The following CFAP20DC variants were observed in gnomAD, a reference collection of about 807,000 sequenced individuals.
CFAP20DC encodes the protein protein CFAP20DC.
CFAP20DC carries 84 observed loss-of-function variants against 101.7 expected under a neutral mutation model. The observed-to-expected ratio is 0.83, with a 90% CI of 0.69 to 0.99. The LOEUF (loss-of-function observed/expected upper bound fraction) is 0.99, where lower values mean the gene tolerates loss of function less well. Among genes scored for constraint, CFAP20DC ranks in the 50% least tolerant of loss-of-function variants. The pLI, the probability that CFAP20DC is intolerant of heterozygous loss-of-function variation, is 0.00. For missense variants in CFAP20DC, 1,007 were observed against 970.3 expected, an observed-to-expected ratio of 1.04 and a Z score of -0.50; for synonymous variants, 359 against 351.2, an observed-to-expected ratio of 1.02 and a Z score of -0.25.
chr3:58,787,989 G>T (rs927011670), intron 15 of CFAP20DC, among the ~76,000 whole-genome samples: 6 of 151,840 alleles, frequency 4.0e-5, no homozygotes, highest in African/African-American at 1.5e-4. Flanking sequence ...GCCTGTTGGG[G>T]GGTGGGGTGC....
chr3:58,875,448 C>T lies in CFAP20DC; in HGVS notation c.716-5139G>A, dbSNP rs1171011485. On this transcript the variant is annotated intron_variant, in intron 7 of 16. Transcript: ENST00000482387. ...TGATTTTTTCAGAGAAAAATGGGTG[C>T]GGAGAGTAATGAAGGGCTCTGTGGG... is the stretch of plus-strand genomic sequence containing the variant. Among the ~76,000 whole-genome samples the T allele has an allele frequency of 7.9e-5, 12 of 151,938 alleles. No individual in the cohort carries two copies. In the East Asian group the frequency reaches 1.5e-3, roughly 20 times the overall value.
chr3:58,879,113 T>C (rs553931697), intron 7 of CFAP20DC, among the ~76,000 whole-genome samples: 2 of 152,294 alleles, frequency 1.3e-5, no homozygotes, highest in East Asian at 1.9e-4. Flanking sequence ...AGTTCCCTCA[T>C]CTACAAAATA....
intron 15 of CFAP20DC, among the ~76,000 whole-genome samples, chr3:58,791,483 T>C (rs9865466): frequency 0.064 from 9,713 of 152,220 alleles, 590 homozygotes; most frequent in East Asian, 0.35. Flanking sequence ...TACCACCTCA[T>C]GAAACCCCTT....
chr3:58,965,083 A>G (rs1166972098), intron 4 of CFAP20DC, among the ~76,000 whole-genome samples: 1 of 152,048 alleles, frequency 6.6e-6, no homozygotes, highest in East Asian at 1.9e-4. Flanking sequence ...CTACCATTTC[A>G]TTTAAAAGGG....
At chr3:58,886,726 GA>G (rs1381920994) in intron 6 of CFAP20DC, among the ~76,000 whole-genome samples, 1 of 150,884 alleles carries the variant, frequency 6.6e-6, no homozygotes, top group African/African-American at 2.4e-5. Context: ...AAAAGAAAAA[GA>G]AAAAGAAAAA....
At chr3:58,872,467 A>G (rs887296936) in intron 7 of CFAP20DC, among the ~76,000 whole-genome samples, 1 of 152,128 alleles carries the variant, frequency 6.6e-6, no homozygotes, top group Non-Finnish European at 1.5e-5. Flanking sequence ...TAGTGTGTGT[A>G]TGTATGGGTG....
At chr3:58,980,933 AC>A (rs1461433957) in intron 4 of CFAP20DC, among the ~76,000 whole-genome samples, 2 of 152,236 alleles carry the variant, frequency 1.3e-5, no homozygotes. Flanking sequence ...TTTGCAGATG[AC>A]ATGATTGTAT....
intron 5 of CFAP20DC, among the ~76,000 whole-genome samples, chr3:58,930,252 A>G (rs2086457059): frequency 6.6e-6 from 1 of 152,150 alleles, no homozygotes; most frequent in African/African-American, 2.4e-5. Context: ...CTGCCCCCAC[A>G]GTCCTCACTA....
intron 12 of CFAP20DC, among the ~76,000 whole-genome samples, chr3:58,850,140 C>T (rs2078091220): frequency 6.6e-6 from 1 of 152,042 alleles, no homozygotes; most frequent in Non-Finnish European, 1.5e-5. Context: ...GAATTACAAA[C>T]ATGAAATCAA....
At chr3:58,883,144 T>C (rs1196752347) in intron 7 of CFAP20DC, among the ~76,000 whole-genome samples, 2 of 152,210 alleles carry the variant, frequency 1.3e-5, no homozygotes, top group African/African-American at 4.8e-5. Context: ...CCTTCAAACT[T>C]TGACCACTCT....
intron 10 of CFAP20DC, 101 bp from the exon 11 acceptor site, chr3:58,866,789 A>AT: frequency 1.4e-6 from 1 of 727,296 alleles, no homozygotes. Flanking sequence ...CTATTTGATC[A>AT]TTTAAAAGCA....
intron 14 of CFAP20DC, among the ~76,000 whole-genome samples, chr3:58,818,624 C>G (rs1489116516): frequency 6.9e-6 from 1 of 144,388 alleles, no homozygotes; most frequent in African/African-American, 2.6e-5. Flanking sequence ...AATACAGGAG[C>G]ACCCAGATTC....
chr3:59,001,621 G>A lies in CFAP20DC; in HGVS notation c.278+37936C>T, dbSNP rs1029722193. On this transcript the variant is annotated intron_variant, in intron 4 of 16. Coordinates refer to ENST00000482387, the MANE Select transcript of CFAP20DC (RefSeq NM_001394063.1). This position sits in a 1 kb window ranked among gnomAD's most constrained non-coding sequence, Gnocchi z 4.5. Reference sequence around the variant, plus strand: ...AGATGGGGTTTCTCCATGTTGGTCAGGTTGGTCTCGAACTCCCGACCTCAG... The same window carrying A: ...AGATGGGGTTTCTCCATGTTGGTCAAGTTGGTCTCGAACTCCCGACCTCAG... Among the ~76,000 whole-genome samples, 1 of 152,174 alleles carries A rather than the reference G, an allele frequency of 6.6e-6. No individual in the cohort carries two copies. Among genetic ancestry groups the A allele is most frequent in the African/African-American group, 2.4e-5 (1 of 41,436 alleles).
chr3:58,780,398 C>T lies in CFAP20DC; in HGVS notation c.2237+25997G>A, dbSNP rs79586739. ...AAGGAACAAAGGATATGTAAAACAA[C>T]GGAAAATCAAGTAATGAAATAACAG... On this transcript the variant is annotated intron_variant, in intron 15 of 16. Coordinates refer to ENST00000482387, the MANE Select transcript of CFAP20DC (RefSeq NM_001394063.1). 1.0e-2 allele frequency among the ~76,000 whole-genome samples: 1,514 copies of T among 151,974 alleles called. 24 individuals are homozygous for T. Among genetic ancestry groups the T allele is most frequent in the African/African-American group, 0.035 (1,460 of 41,508 alleles).
rs1186604892 is a variant in CFAP20DC at position 58,863,657 on chromosome 3, C to T, written c.1494G>A (p.Glu498=). The T allele has an allele frequency of 2.5e-6, 4 of 1,614,130 alleles. No homozygotes were observed. The highest frequency in any genetic ancestry group is 1.6e-4 in the Middle Eastern group (1 of 6,062). ...PHGKTQTMSP[E]ELSFILDLKE... ...TTAGATCCAAAATAAATGAGAGCTC[C>T]TCTGGGGACATAGTCTGAGTCTTTC... is the stretch of plus-strand genomic sequence containing the variant. The change falls in exon 12 of 17, where the codon GAG becomes GAA. Residue 498 remains glutamate (E), a synonymous_variant. Transcript: ENST00000482387. This position sits in a 1 kb window ranked among gnomAD's most constrained non-coding sequence, Gnocchi z 5.9.
intron 4 of CFAP20DC, among the ~76,000 whole-genome samples, chr3:58,941,903 A>G (rs2088656158): frequency 6.6e-6 from 1 of 152,172 alleles, no homozygotes; most frequent in South Asian, 2.1e-4. Flanking sequence ...GGCCTTCAGC[A>G]CATCTTAAAT....
chr3:58,782,301 A>G (rs2071904182), intron 15 of CFAP20DC, among the ~76,000 whole-genome samples: 1 of 152,008 alleles, frequency 6.6e-6, no homozygotes, highest in Admixed American at 6.6e-5. Flanking sequence ...TAAAGGCCAT[A>G]TATGACACAC....
At chr3:58,821,991 T>C (rs1221633808) in intron 14 of CFAP20DC, among the ~76,000 whole-genome samples, 1 of 143,582 alleles carries the variant, frequency 7.0e-6, no homozygotes, top group Non-Finnish European at 1.5e-5. Context: ...TCATGTCCTT[T>C]GTAGGGACAT....
At chr3:58,903,038 A>G (rs1467304727) in intron 6 of CFAP20DC, among the ~76,000 whole-genome samples, 1 of 152,170 alleles carries the variant, frequency 6.6e-6, no homozygotes, top group Non-Finnish European at 1.5e-5. Flanking sequence ...ATATTCATAT[A>G]TAAACCAGGA....
Sources: allele counts gnomAD v4.1 joint callset (sites outside exome capture counted in the v4.1 genomes callset), GRCh38; gene constraint gnomAD v4.1.1; non-coding constraint Gnocchi (gnomAD v3.1); transcripts MANE v1.5; gene names NCBI Gene and HGNC (gene_info 2026-07-23, HGNC 2026-07-21).